Variants in PACS2 observed in about 807,000 individuals in gnomAD.
PACS2 encodes the protein PACS1-like protein.
In PACS2, 36 loss-of-function variants were observed where a neutral mutation model predicts 113.0. The ratio of observed to expected loss-of-function variants is 0.32; its 90% confidence interval spans 0.24 to 0.42. The LOEUF (loss-of-function observed/expected upper bound fraction) is 0.42. PACS2 is among the 10% of genes least tolerant of loss of function. The pLI is 1.00. For missense variants in PACS2, 1,015 were observed against 1,239.5 expected (o/e 0.82, Z 2.72); for synonymous variants, 589 against 536.1 (o/e 1.10, Z -1.36).
At position 105,348,408 on chromosome 14, in the gene PACS2, G is replaced by T; in HGVS notation, c.120-85G>T. On this transcript the variant is annotated intron_variant, in intron 1 of 24. Coordinates refer to ENST00000447393, the MANE Select transcript of PACS2 (RefSeq NM_001100913.3). The surrounding 1 kb of genome is among the most constrained non-coding windows in gnomAD (Gnocchi z 6.4). ...CCTGCACCCCAGGGTGCAGGCTCCCGGGGTGACACAGTGCTGGGACGGCAC... is the reference window on the plus strand; with the variant it reads ...CCTGCACCCCAGGGTGCAGGCTCCCTGGGTGACACAGTGCTGGGACGGCAC... 1 of 1,059,866 alleles carries T rather than the reference G, an allele frequency of 9.4e-7. No individual in the cohort carries two copies. 65.7% of individuals were successfully genotyped at this position (1,059,866 alleles called of 1,614,324 possible). A position where few individuals can be genotyped will look rare whatever the true frequency, so the allele number is the denominator to read the frequency against.
chr14:105,384,448 G>T lies in PACS2; in HGVS notation c.1876G>T (p.Glu626Ter). 1 of 1,610,650 alleles carries T rather than the reference G, an allele frequency of 6.2e-7. No homozygotes were observed. Among genetic ancestry groups the T allele is most frequent in the East Asian group, 2.2e-5 (1 of 44,834 alleles). The change falls in exon 17 of 25, where the codon GAG becomes TAG. Residue 626 changes from glutamate to a stop codon, truncating the protein, a stop_gained. Coordinates refer to ENST00000447393, the MANE Select transcript of PACS2 (RefSeq NM_001100913.3). LOFTEE classifies it high-confidence loss of function. ...LAWRDLFNKL[E>*]AQSAVQDTPD... is the part of the protein sequence containing the mutation. ...CTGGAGAGACCTGTTCAACAAGCTG[G>T]AGGCCCAGAGTGCGGGTGAGGCCCG...
At chr14:105,379,714 C>G (rs879956933) in intron 9 of PACS2, 25 bp from the exon 10 acceptor site, 1 of 1,590,828 alleles carries the variant, frequency 6.3e-7, no homozygotes, top group Non-Finnish European at 8.6e-7. Context: ...ATTAACGTGT[C>G]CCCCACCCCT....
intron 17 of PACS2, 78 bp downstream of exon 17, chr14:105,384,541 A>AG: frequency 2.3e-6 from 2 of 884,214 alleles, no homozygotes; most frequent in Non-Finnish European, 1.8e-6. Context: ...TGTGCCCAGG[A>AG]GGCCCTGCAC....
chr14:105,313,583 A>G (rs998299907), upstream of PACS2, among the ~76,000 whole-genome samples: 2 of 152,266 alleles, frequency 1.3e-5, no homozygotes, highest in African/African-American at 4.8e-5. Flanking sequence ...CGGAGGAAGC[A>G]GCGGCATGAG....
At position 105,392,360 on chromosome 14, in the gene PACS2, A is replaced by G. The variant is rs587662364; in HGVS notation, c.2256-259A>G. The stretch of plus-strand genomic sequence containing the variant: ...ACGGGCCCTCACGACTCCAAGGGGC[A>G]GCTTGGAGAGCAGGTGGACAGGCCT... On this transcript the variant is annotated intron_variant, in intron 22 of 24. Transcript: ENST00000447393. 4 of 524,740 alleles carry G rather than the reference A, an allele frequency of 7.6e-6. No individual in the cohort carries two copies. In the African/African-American group the frequency reaches 7.6e-5, roughly 10 times the overall value. 32.5% of individuals were successfully genotyped at this position (524,740 alleles called of 1,614,324 possible).
In PACS2 at chr14:105,317,299, G is replaced by A. The variant is rs1249713879; in HGVS notation, c.119+2262G>A. Among the ~76,000 whole-genome samples, 22 of 152,108 alleles carry A rather than the reference G, an allele frequency of 1.4e-4. No individual in the cohort carries two copies. ...GTGCTGCTGTGGACATCGTGTGCCA[G>A]TCTTCTGCGTGTGTCTTTCTGGATG... is the stretch of plus-strand genomic sequence containing the variant. On this transcript the variant is annotated intron_variant, in intron 1 of 24. Coordinates refer to ENST00000447393, the MANE Select transcript of PACS2 (RefSeq NM_001100913.3). This position sits in a 1 kb window ranked among gnomAD's most constrained non-coding sequence, Gnocchi z 4.2.
chr14:105,376,605 C>T lies in PACS2; in HGVS notation c.802-163C>T, dbSNP rs780127129. On this transcript the variant is annotated intron_variant, in intron 8 of 24. Coordinates refer to ENST00000447393, the MANE Select transcript of PACS2 (RefSeq NM_001100913.3). This position sits in a 1 kb window ranked among gnomAD's most constrained non-coding sequence, Gnocchi z 4.7. ...GACCGGGGGTCCTCGGTGATCATCC[C>T]GAGCTCCAAGACAGAAGCTGGACTA... 6.6e-5 allele frequency among the ~76,000 whole-genome samples: 10 copies of T among 152,114 alleles called. No homozygotes were observed. Among genetic ancestry groups the T allele is most frequent in the South Asian group, 2.1e-4 (1 of 4,828 alleles).
chr14:105,318,364 C>T (rs900906518), intron 1 of PACS2, among the ~76,000 whole-genome samples: 2 of 152,060 alleles, frequency 1.3e-5, no homozygotes, highest in African/African-American at 4.8e-5. Context: ...CATTGTAACC[C>T]CTAAAACCTG....
chr14:105,378,300 G>T (rs1431731733), intron 9 of PACS2, among the ~76,000 whole-genome samples: 2 of 152,230 alleles, frequency 1.3e-5, no homozygotes, highest in East Asian at 3.9e-4. Context: ...TGTGCGTCTC[G>T]GGGCTATGAT....
intron 16 of PACS2, chr14:105,383,980 C>T: frequency 3.3e-6 from 1 of 301,094 alleles, no homozygotes; most frequent in East Asian, 8.1e-5. Context: ...CGAAACAAAC[C>T]CACCCAGCCT....
intron 1 of PACS2, among the ~76,000 whole-genome samples, chr14:105,334,887 A>G (rs764516008): frequency 1.3e-4 from 20 of 152,192 alleles, no homozygotes; most frequent in Non-Finnish European, 2.6e-4. Context: ...TGTGCATGGT[A>G]TGGGAGGTGG....
rs116222635 is a variant in PACS2 at position 105,346,278 on chromosome 14, G to A, written c.120-2215G>A. Among the ~76,000 whole-genome samples, 457 of 152,116 alleles carry A rather than the reference G, an allele frequency of 3.0e-3. 2 individuals carry two copies. The highest frequency in any genetic ancestry group is 0.011 in the African/African-American group (437 of 41,482). ...AGTGTTGGAAAGCAGACTCATTTCC[G>A]GGTTAGTCCTGTGCTGCTTTTTGAC... On this transcript the variant is annotated intron_variant, in intron 1 of 24. Transcript: ENST00000447393.
In PACS2 at chr14:105,396,896, T is replaced by TA. The variant is rs1322125061; in HGVS notation, c.*2225dup. On this transcript the variant is annotated 3_prime_UTR_variant, in exon 25 of 25. Transcript: ENST00000447393. Reference sequence around the variant, plus strand: ...GGCTTTCTGGCCTCAGAGCAGGTTTTAGAGGAAGGGGCCACAGGCTGCCTA... The same window carrying TA: ...GGCTTTCTGGCCTCAGAGCAGGTTTTAAGAGGAAGGGGCCACAGGCTGCCTA... The TA allele has an allele frequency of 1.3e-5, 2 of 152,268 alleles. No individual in the cohort carries two copies. The highest frequency in any genetic ancestry group is 2.9e-5 in the Non-Finnish European group (2 of 68,068). 9.4% of individuals were successfully genotyped at this position (152,268 alleles called of 1,614,324 possible). A position where few individuals can be genotyped will look rare whatever the true frequency, so the allele number is the denominator to read the frequency against.
rs587738760 is a variant in PACS2 at position 105,349,772 on chromosome 14, G to A, written c.207+1192G>A. ...CTGGTGGCCAGGTTCCCCGGGTGGTGGGGCCTTGCCCCAGGAACTTCCAGG... is the reference window on the plus strand; with the variant it reads ...CTGGTGGCCAGGTTCCCCGGGTGGTAGGGCCTTGCCCCAGGAACTTCCAGG... On this transcript the variant is annotated intron_variant, in intron 2 of 24. Transcript: ENST00000447393. Among the ~76,000 whole-genome samples the A allele has an allele frequency of 1.2e-3, 190 of 152,056 alleles. 2 individuals are homozygous for A. The highest frequency in any genetic ancestry group is 1.2e-3 in the South Asian group (6 of 4,834).
chr14:105,350,981 C>T (rs587641196), intron 2 of PACS2, among the ~76,000 whole-genome samples: 56 of 152,334 alleles, frequency 3.7e-4, no homozygotes, highest in Non-Finnish European at 5.9e-5. Flanking sequence ...ATGGACGTCT[C>T]ATGGAGCCCG....
rs765519824 is a variant in PACS2 at position 105,309,203 on chromosome 14, GGAAA to G, written c.-83+8232_-83+8235del. Among the ~76,000 whole-genome samples the G allele has an allele frequency of 1.3e-5, 2 of 152,028 alleles. No individual in the cohort carries two copies. Among genetic ancestry groups the G allele is most frequent in the Non-Finnish European group, 2.9e-5 (2 of 68,012 alleles). ...CTTATTGTGATGATATTCTATTGTG[GGAAA>G]GAAAGAAGTGTTAAAATTTATGCAT... On this transcript the variant is annotated intron_variant, in intron 1 of 23. Coordinates refer to the PACS2 transcript ENST00000430725. The surrounding 1 kb of genome is among the most constrained non-coding windows in gnomAD (Gnocchi z 4.0).
Position 105,324,990 on chromosome 14 carries a change from G to A in PACS2, c.119+9953G>A, listed in dbSNP as rs1041331673. Among the ~76,000 whole-genome samples, 46 of 152,028 alleles carry A rather than the reference G, an allele frequency of 3.0e-4. No homozygotes were observed. Among genetic ancestry groups the A allele is most frequent in the Middle Eastern group, 3.4e-3 (1 of 292 alleles). ...ACACGGGCCTGGGGCTGAGCAACCCGCTCTGGGCCTGGCTGTTCCGCTCCA... is the reference window on the plus strand; with the variant it reads ...ACACGGGCCTGGGGCTGAGCAACCCACTCTGGGCCTGGCTGTTCCGCTCCA... On this transcript the variant is annotated intron_variant, in intron 1 of 24. Coordinates refer to ENST00000447393, the MANE Select transcript of PACS2 (RefSeq NM_001100913.3). The surrounding 1 kb of genome is among the most constrained non-coding windows in gnomAD (Gnocchi z 4.7).
chr14:105,376,722 A>G lies in PACS2; in HGVS notation c.802-46A>G, dbSNP rs28461287. ...GGTCTCGGGCGCCCCCAGTGGGGCA[A>G]TGTGGGCTGCTGCAGGGAACTCACG... On this transcript the variant is annotated intron_variant, in intron 8 of 24. Transcript: ENST00000447393. The surrounding 1 kb of genome is among the most constrained non-coding windows in gnomAD (Gnocchi z 4.7). The G allele has an allele frequency of 0.026, 41,885 of 1,593,542 alleles. 9,016 individuals carry two copies. The African/African-American group carries it at 0.48, about 18-fold the overall frequency.
rs587648183 is a variant in PACS2 at position 105,352,617 on chromosome 14, G to A, written c.297+150G>A. On this transcript the variant is annotated intron_variant, in intron 3 of 24. Coordinates refer to ENST00000447393, the MANE Select transcript of PACS2 (RefSeq NM_001100913.3). ...CCTCATCAGTGTCCCCTGGGGAGACGGGCACGCCTCATCACCGTCCCCTGG... is the reference window on the plus strand; with the variant it reads ...CCTCATCAGTGTCCCCTGGGGAGACAGGCACGCCTCATCACCGTCCCCTGG... 3.7e-5 allele frequency: 20 copies of A among 545,204 alleles called. 1 individual carries two copies. The highest frequency in any genetic ancestry group is 1.8e-4 in the African/African-American group (9 of 49,450). The allele number at this position is 545,204 out of a possible 1,614,324, so 33.8% of individuals were successfully genotyped here. A position where few individuals can be genotyped will look rare whatever the true frequency, so the allele number is the denominator to read the frequency against.
Sources: allele counts gnomAD v4.1 joint callset (sites outside exome capture counted in the v4.1 genomes callset), GRCh38; gene constraint gnomAD v4.1.1; non-coding constraint Gnocchi (gnomAD v3.1); transcripts MANE v1.5; gene names NCBI Gene and HGNC (gene_info 2026-07-23, HGNC 2026-07-21).